Variants in SLC10A7 observed in about 807,000 individuals in gnomAD.
SLC10A7 encodes the protein solute carrier family 10 member 7, also known as sodium/bile acid cotransporter 7.
SLC10A7 carries 29 observed loss-of-function variants against 43.2 expected under a neutral mutation model. The observed-to-expected ratio is 0.67, with a 90% CI of 0.50 to 0.92. The LOEUF (loss-of-function observed/expected upper bound fraction) is 0.92. Ranked by LOEUF, SLC10A7 falls within the 40% of genes least tolerant of loss-of-function variation. The probability of loss-of-function intolerance (pLI) is 0.00; values close to 1 mark genes in which losing one functional copy is unlikely to be tolerated. For synonymous variants in SLC10A7, 152 were observed against 144.8 expected (o/e 1.05, Z -0.35); for missense variants, 295 against 403.2 (o/e 0.73, Z 2.30).
chr4:146,516,799 T>C (rs574479825), intron 2 of SLC10A7, among the ~76,000 whole-genome samples: 1 of 152,188 alleles, frequency 6.6e-6, no homozygotes, highest in Admixed American at 6.5e-5. Context: ...TCAGCTGTCA[T>C]ATTAAAAACA....
intron 4 of SLC10A7, among the ~76,000 whole-genome samples, chr4:146,450,273 C>T (rs1383907880): frequency 6.6e-6 from 1 of 152,096 alleles, no homozygotes; most frequent in Non-Finnish European, 1.5e-5. Context: ...CCTAAGCAAT[C>T]CAGTGTACAA....
chr4:146,424,124 T>C (rs1729147349), intron 5 of SLC10A7, among the ~76,000 whole-genome samples: 1 of 152,194 alleles, frequency 6.6e-6, no homozygotes, highest in African/African-American at 2.4e-5. Flanking sequence ...GAATCACGGC[T>C]CACTGCAGCC....
rs12645125 is a variant in SLC10A7 at position 146,296,930 on chromosome 4, T to C, written c.556-2835A>G. Among the ~76,000 whole-genome samples, 298 of 152,310 alleles carry C rather than the reference T, an allele frequency of 2.0e-3. 4 individuals carry two copies. In the East Asian group the frequency reaches 0.027, roughly 14 times the overall value. On this transcript the variant is annotated intron_variant, in intron 7 of 11. Coordinates refer to ENST00000335472, the MANE Select transcript of SLC10A7 (RefSeq NM_001029998.6). ...TCATTCTGTATTTGTCAAGAATTCA[T>C]GTCATTTTAAAATTCTCCAAACTTC...
intron 4 of SLC10A7, among the ~76,000 whole-genome samples, chr4:146,446,205 T>C (rs1191241294): frequency 6.6e-6 from 1 of 152,056 alleles, no homozygotes; most frequent in Non-Finnish European, 1.5e-5. Context: ...TATCTACACT[T>C]ACAGATGGAC....
chr4:146,468,656 T>G lies in SLC10A7; in HGVS notation c.397-25835A>C, dbSNP rs1362412262. Among the ~76,000 whole-genome samples the G allele has an allele frequency of 5.9e-5, 9 of 151,860 alleles. No individual in the cohort carries two copies. The East Asian group carries it at 1.4e-3, about 23-fold the overall frequency. The stretch of plus-strand genomic sequence containing the variant: ...GGCTAATTTTTAGTAGCGACAGGGT[T>G]TTACCATGTTGGCCAGGCTGGTCTT... On this transcript the variant is annotated intron_variant, in intron 4 of 11. Transcript: ENST00000335472.
At chr4:146,442,703 A>G in intron 5 of SLC10A7, 80 bp downstream of exon 5, 1 of 1,570,896 alleles carries the variant, frequency 6.4e-7, no homozygotes, top group Non-Finnish European at 8.6e-7. Flanking sequence ...AGTAAAACAA[A>G]TCCAGCTTTC....
chr4:146,445,022 G>C (rs946851494), intron 4 of SLC10A7, among the ~76,000 whole-genome samples: 5 of 152,006 alleles, frequency 3.3e-5, no homozygotes, highest in Non-Finnish European at 5.9e-5. Flanking sequence ...TCTTGACTTA[G>C]GGAGGAATTC....
intron 5 of SLC10A7, among the ~76,000 whole-genome samples, chr4:146,387,345 T>C (rs377297877): frequency 6.6e-6 from 1 of 152,284 alleles, no homozygotes; most frequent in South Asian, 2.1e-4. Context: ...ATTCGCCACA[T>C]AAACAGAATT....
intron 7 of SLC10A7, among the ~76,000 whole-genome samples, chr4:146,297,651 C>A (rs1273600159): frequency 6.6e-6 from 1 of 152,022 alleles, no homozygotes; most frequent in Non-Finnish European, 1.5e-5. Context: ...CAATTTTTAT[C>A]CTCTATTGCA....
intron 4 of SLC10A7, among the ~76,000 whole-genome samples, chr4:146,458,870 T>C (rs978611899): frequency 6.6e-6 from 1 of 151,768 alleles, no homozygotes; most frequent in African/African-American, 2.4e-5. Flanking sequence ...AGCCTGAAAG[T>C]GTTAGCCATG....
intron 11 of SLC10A7, among the ~76,000 whole-genome samples, chr4:146,257,998 A>G (rs1173299105): frequency 1.3e-5 from 2 of 152,226 alleles, no homozygotes; most frequent in African/African-American, 2.4e-5. Context: ...GACAAAAATA[A>G]GTCCTGGTAT....
In SLC10A7 at chr4:146,380,072, T is replaced by C. The variant is rs148411506; in HGVS notation, c.436-54076A>G. 2.8e-3 allele frequency among the ~76,000 whole-genome samples: 420 copies of C among 152,068 alleles called. 12 individuals carry two copies. The East Asian group carries it at 0.062, about 22-fold the overall frequency. The stretch of plus-strand genomic sequence containing the variant: ...CAGTCTGAGGAAAATCTAATACCCA[T>C]TGGGAAGAAAACTATCCAAAAGATG... On this transcript the variant is annotated intron_variant, in intron 5 of 11. Coordinates refer to ENST00000335472, the MANE Select transcript of SLC10A7 (RefSeq NM_001029998.6).
chr4:146,403,003 A>T (rs1244933255), intron 5 of SLC10A7, among the ~76,000 whole-genome samples: 2 of 152,176 alleles, frequency 1.3e-5, no homozygotes, highest in Non-Finnish European at 2.9e-5. Context: ...TTTTCTCTTC[A>T]GGAAAATGAG....
intron 5 of SLC10A7, among the ~76,000 whole-genome samples, chr4:146,430,169 G>A (rs572908271): frequency 1.1e-4 from 16 of 152,050 alleles, no homozygotes; most frequent in African/African-American, 3.9e-4. Flanking sequence ...GAGGGTGAAG[G>A]GTGGATCAAC....
At chr4:146,269,822 T>A (rs537010502) in intron 10 of SLC10A7, among the ~76,000 whole-genome samples, 2 of 152,246 alleles carry the variant, frequency 1.3e-5, no homozygotes, top group Non-Finnish European at 2.9e-5. Flanking sequence ...GCTGCATTGA[T>A]AATTTCATCT....
chr4:146,504,017 G>T, intron 3 of SLC10A7, 93 bp from the exon 4 acceptor site: 1 of 1,031,228 alleles, frequency 9.7e-7, no homozygotes, highest in Non-Finnish European at 1.5e-6. Context: ...CTGAGCAAAT[G>T]AATATAAGGG....
chr4:146,424,814 T>A (rs111867154), intron 5 of SLC10A7, among the ~76,000 whole-genome samples: 13 of 152,330 alleles, frequency 8.5e-5, no homozygotes, highest in African/African-American at 2.9e-4. Flanking sequence ...AAAACATTTC[T>A]TATACATATG....
At chr4:146,310,433 C>G (rs1306689566) in intron 6 of SLC10A7, among the ~76,000 whole-genome samples, 1 of 152,158 alleles carries the variant, frequency 6.6e-6, no homozygotes, top group Non-Finnish European at 1.5e-5. Flanking sequence ...TACATTCCCA[C>G]TAATTGTGCA....
intron 5 of SLC10A7, among the ~76,000 whole-genome samples, chr4:146,410,449 T>C (rs969529279): frequency 6.6e-6 from 1 of 152,166 alleles, no homozygotes; most frequent in African/African-American, 2.4e-5. Context: ...GCTACTGCTC[T>C]AATAAAAAGG....
Sources: gnomAD v4.1 joint callset for allele counts (sites outside exome capture counted in the v4.1 genomes callset) on GRCh38, gnomAD v4.1.1 for gene constraint, MANE v1.5 for transcripts, NCBI Gene and HGNC (gene_info 2026-07-23, HGNC 2026-07-21) for gene names.